The following MRE11 variants were observed in gnomAD, a reference collection of about 807,000 sequenced individuals.
MRE11 encodes MRE11 double strand break repair nuclease.
A neutral mutation model predicts 91.7 loss-of-function variants in MRE11; 62 were observed. That is an observed-to-expected ratio of 0.68 (90% confidence interval 0.55 to 0.84). MRE11 has a LOEUF of 0.84. Ranked by LOEUF, MRE11 falls within the 40% of genes least tolerant of loss-of-function variation. The pLI, the probability that MRE11 is intolerant of heterozygous loss-of-function variation, is 0.00. For synonymous variants in MRE11, 273 were observed against 271.4 expected (o/e 1.01, Z -0.06); for missense variants, 796 against 852.9 (o/e 0.93, Z 0.83).
At chr11:94,458,274 C>T (rs1479167683) in intron 13 of MRE11, among the ~76,000 whole-genome samples, 1 of 151,250 alleles carries the variant, frequency 6.6e-6, no homozygotes, top group African/African-American at 2.4e-5. Flanking sequence ...ATATAACTAC[C>T]TTGACATAAC....
intron 13 of MRE11, among the ~76,000 whole-genome samples, chr11:94,459,182 T>C (rs1162052484): frequency 6.6e-6 from 1 of 152,224 alleles, no homozygotes; most frequent in Non-Finnish European, 1.5e-5. Context: ...GAGAAGATAC[T>C]ATCCATGGGG....
At chr11:94,427,848 A>C (rs1945366687) in intron 19 of MRE11, among the ~76,000 whole-genome samples, 1 of 152,158 alleles carries the variant, frequency 6.6e-6, no homozygotes, top group Non-Finnish European at 1.5e-5. Context: ...GAGGTGAAAG[A>C]TCTCTACAAG....
intron 14 of MRE11, 141 bp from the exon 15 acceptor site, chr11:94,447,579 A>C: frequency 3.5e-6 from 3 of 863,934 alleles, no homozygotes; most frequent in Non-Finnish European, 5.5e-6. Flanking sequence ...CTGTAATCTC[A>C]GCACTTTGGG....
At chr11:94,478,558 C>A (rs574869489) in intron 6 of MRE11, among the ~76,000 whole-genome samples, 177 bp downstream of exon 6, 1 of 152,056 alleles carries the variant, frequency 6.6e-6, no homozygotes, top group Admixed American at 6.6e-5. Context: ...TAAATAGTAA[C>A]GAAAAGACAT....
At chr11:94,506,042 T>G in the MRE11 span, among the ~76,000 whole-genome samples, 4 of 152,310 alleles carry the variant, frequency 2.6e-5, no homozygotes, top group Non-Finnish European at 5.9e-5. Context: ...ATTCTGATAT[T>G]TGAACAACGA....
chr11:94,501,075 T>A, the MRE11 span, among the ~76,000 whole-genome samples: 3 of 152,224 alleles, frequency 2.0e-5, no homozygotes, highest in African/African-American at 7.2e-5. Flanking sequence ...ATCTGTAGGA[T>A]TACTAGATGA....
At chr11:94,451,711 G>GTA (rs1290160085) in intron 14 of MRE11, among the ~76,000 whole-genome samples, 2 of 152,054 alleles carry the variant, frequency 1.3e-5, no homozygotes, top group African/African-American at 4.8e-5. Flanking sequence ...AAACCCAAAT[G>GTA]TATATCTTCA....
intron 16 of MRE11, among the ~76,000 whole-genome samples, chr11:94,441,977 CAAA>C (rs35673778): frequency 1.5e-4 from 7 of 48,222 alleles, no homozygotes; most frequent in Non-Finnish European, 2.1e-4. Context: ...GACTCTGTCT[CAAA>C]AAAAAAAAAA....
At chr11:94,436,957 A>T (rs764215261) in intron 17 of MRE11, among the ~76,000 whole-genome samples, 7 of 152,126 alleles carry the variant, frequency 4.6e-5, no homozygotes, top group Non-Finnish European at 1.0e-4. Context: ...TATACATAAC[A>T]TTTATGGATT....
chr11:94,459,413 C>T lies in MRE11; in HGVS notation c.1495G>A (p.Glu499Lys), dbSNP rs1946353950. The part of the protein sequence containing the change: ...HIDALEDKID[E>K]EVRRFRETRQ... ...CACTCAAATTAGTTACTTACCTCCT[C>T]ATCGATTTTGTCTTCGAGGGCATCA... The change falls in exon 13 of 20, where the codon GAG becomes AAG. Residue 499 changes from glutamate to lysine, a missense_variant. Coordinates refer to ENST00000323929, the MANE Select transcript of MRE11 (RefSeq NM_005591.4). 1 of 1,613,802 alleles carries T rather than the reference C, an allele frequency of 6.2e-7. No homozygotes were observed. Among genetic ancestry groups the T allele is most frequent in the Middle Eastern group, 1.7e-4 (1 of 6,058 alleles).
intron 7 of MRE11, among the ~76,000 whole-genome samples, chr11:94,472,460 T>TA (rs1326708423): frequency 6.6e-6 from 1 of 152,092 alleles, no homozygotes; most frequent in Non-Finnish European, 1.5e-5. Flanking sequence ...ACCCAACAAA[T>TA]ACTGTTACCC....
At chr11:94,451,228 T>A (rs1001263209) in intron 14 of MRE11, among the ~76,000 whole-genome samples, 1 of 152,100 alleles carries the variant, frequency 6.6e-6, no homozygotes, top group Non-Finnish European at 1.5e-5. Flanking sequence ...CCAAGACTTA[T>A]GAGAGAATGC....
At chr11:94,435,939 T>G in intron 17 of MRE11, 40 bp from the exon 18 acceptor site, 1 of 1,506,938 alleles carries the variant, frequency 6.6e-7, no homozygotes, top group Non-Finnish European at 9.2e-7. Context: ...TTTGTGAGAA[T>G]AGACTCTGAA....
chr11:94,496,913 C>A (rs775668757), upstream of MRE11: 1 of 1,613,308 alleles, frequency 6.2e-7, no homozygotes, highest in Admixed American at 1.7e-5. Context: ...GGAAAAAGAC[C>A]CAAGCAGATT....
intron 19 of MRE11, among the ~76,000 whole-genome samples, chr11:94,422,386 G>GT (rs1360428546): frequency 6.6e-6 from 1 of 152,048 alleles, no homozygotes; most frequent in African/African-American, 2.4e-5. Flanking sequence ...CTGAATACCT[G>GT]TATGTCATGA....
At chr11:94,452,073 G>C (rs1946123200) in intron 14 of MRE11, among the ~76,000 whole-genome samples, 1 of 151,770 alleles carries the variant, frequency 6.6e-6, no homozygotes, top group Non-Finnish European at 1.5e-5. Flanking sequence ...GGGCATGGTA[G>C]CGCGCGCTAG....
chr11:94,486,088 A>T lies in MRE11; in HGVS notation c.154-4T>A, dbSNP rs769824878. 6.2e-7 allele frequency: 1 copy of T among 1,613,668 alleles called. No homozygotes were observed. Among genetic ancestry groups the T allele is most frequent in the Admixed American group, 1.7e-5 (1 of 60,002 alleles). On this transcript the variant is annotated splice_region_variant and splice_polypyrimidine_tract_variant and intron_variant, in intron 3 of 19. Transcript: ENST00000323929. ...CACCTAACAAAATAAAATCCACCTG[A>T]TCAACAGAAAAAGGTGTTAAAATTA...
intron 14 of MRE11, among the ~76,000 whole-genome samples, chr11:94,449,283 A>T (rs1946029205): frequency 6.6e-6 from 1 of 152,208 alleles, no homozygotes; most frequent in Non-Finnish European, 1.5e-5. Flanking sequence ...CAGCATTACA[A>T]TGCAAAAAGA....
At chr11:94,483,348 T>C (rs957511250) in intron 4 of MRE11, among the ~76,000 whole-genome samples, 1 of 152,150 alleles carries the variant, frequency 6.6e-6, no homozygotes, top group Non-Finnish European at 1.5e-5. Context: ...CTGATATGCT[T>C]TGACTCTGTG....
Sources: gnomAD v4.1 joint callset for allele counts (sites outside exome capture counted in the v4.1 genomes callset) on GRCh38, gnomAD v4.1.1 for gene constraint, MANE v1.5 for transcripts, NCBI Gene and HGNC (gene_info 2026-07-23, HGNC 2026-07-21) for gene names.